SAMTOR: variants seen among roughly 807,000 people sequenced by gnomAD.
The protein encoded by SAMTOR is UPF0532 protein C7orf60.
chr7:112,938,619 C>A, the SAMTOR span, among the ~76,000 whole-genome samples: 1 of 152,148 alleles, frequency 6.6e-6, no homozygotes, highest in Non-Finnish European at 1.5e-5. Context: ...AAATGAGAAC[C>A]AGTGGAAAGC....
At chr7:112,821,854 A>T in the SAMTOR span, 2 of 1,613,686 alleles carry the variant, frequency 1.2e-6, no homozygotes, top group Non-Finnish European at 1.7e-6. Flanking sequence ...GTGAAACCAT[A>T]TGCTAGTTGT....
chr7:112,925,481 C>T, the SAMTOR span, among the ~76,000 whole-genome samples: 43 of 152,276 alleles, frequency 2.8e-4, 2 homozygotes, highest in South Asian at 7.2e-3. Context: ...TTCCTTTCTG[C>T]AAGACTTAGC....
At chr7:112,938,473 G>C in the SAMTOR span, among the ~76,000 whole-genome samples, 1 of 152,192 alleles carries the variant, frequency 6.6e-6, no homozygotes, top group East Asian at 1.9e-4. Flanking sequence ...TGAAACGTGT[G>C]TATAAATCAA....
At chr7:112,860,654 G>A in the SAMTOR span, among the ~76,000 whole-genome samples, 11 of 152,202 alleles carry the variant, frequency 7.2e-5, no homozygotes, top group African/African-American at 2.6e-4. Flanking sequence ...TGTAATCCCA[G>A]CACTTTGGGA....
At chr7:112,922,618 G>A in the SAMTOR span, among the ~76,000 whole-genome samples, 1 of 151,380 alleles carries the variant, frequency 6.6e-6, no homozygotes, top group Non-Finnish European at 1.5e-5. Flanking sequence ...GCCCCGTCTG[G>A]GATGTGAGGA....
chr7:112,865,406 T>C, the SAMTOR span, among the ~76,000 whole-genome samples: 13 of 152,006 alleles, frequency 8.6e-5, no homozygotes, highest in Non-Finnish European at 1.3e-4. Context: ...GCCTCCCAAG[T>C]AGCTGGGATT....
chr7:112,867,209 A>G, the SAMTOR span, among the ~76,000 whole-genome samples: 4 of 152,250 alleles, frequency 2.6e-5, no homozygotes, highest in Non-Finnish European at 4.4e-5. Flanking sequence ...TCTTAATACA[A>G]TTGAGACAAA....
the SAMTOR span, among the ~76,000 whole-genome samples, chr7:112,874,586 C>G: frequency 9.5e-4 from 144 of 152,228 alleles, no homozygotes; most frequent in South Asian, 1.9e-3. Flanking sequence ...GCCCAAACCT[C>G]AGTATCACGC....
the SAMTOR span, among the ~76,000 whole-genome samples, chr7:112,897,954 C>G: frequency 6.6e-6 from 1 of 152,298 alleles, no homozygotes; most frequent in Admixed American, 6.5e-5. Context: ...CCATCCTCTC[C>G]CAAGCCCCGG....
At chr7:112,864,098 G>A in the SAMTOR span, among the ~76,000 whole-genome samples, 1 of 152,014 alleles carries the variant, frequency 6.6e-6, no homozygotes, top group Non-Finnish European at 1.5e-5. Context: ...TCCTTTGCAG[G>A]GACAATGGCC....
the SAMTOR span, among the ~76,000 whole-genome samples, chr7:112,882,771 A>G: frequency 1.3e-5 from 2 of 151,038 alleles, no homozygotes; most frequent in Non-Finnish European, 3.0e-5. Context: ...TTTTTTAAAA[A>G]AAAAAAAAAA....
chr7:112,911,082 A>G, the SAMTOR span, among the ~76,000 whole-genome samples: 1 of 152,088 alleles, frequency 6.6e-6, no homozygotes, highest in Non-Finnish European at 1.5e-5. Context: ...CTGCTGGATT[A>G]AAGGGAAATG....
chr7:112,826,945 GT>G, the SAMTOR span, among the ~76,000 whole-genome samples: 1 of 152,102 alleles, frequency 6.6e-6, no homozygotes, highest in Non-Finnish European at 1.5e-5. Flanking sequence ...CAGTTTATCA[GT>G]TTTTGGTTTA....
At chr7:112,907,551 C>A in the SAMTOR span, among the ~76,000 whole-genome samples, 23 of 149,750 alleles carry the variant, frequency 1.5e-4, no homozygotes, top group African/African-American at 4.9e-4. Flanking sequence ...TAGTCAAAGA[C>A]AAAGGGCACA....
the SAMTOR span, among the ~76,000 whole-genome samples, chr7:112,902,869 T>C: frequency 2.6e-5 from 4 of 152,346 alleles, no homozygotes; most frequent in South Asian, 8.3e-4. Context: ...GGGATAAATA[T>C]ATCATGTATC....
chr7:112,826,873 T>C, the SAMTOR span, among the ~76,000 whole-genome samples: 1 of 152,234 alleles, frequency 6.6e-6, no homozygotes, highest in African/African-American at 2.4e-5. Context: ...ATACCTGTTC[T>C]AGGAATTATT....
At chr7:112,847,166 T>C in the SAMTOR span, among the ~76,000 whole-genome samples, 1 of 152,200 alleles carries the variant, frequency 6.6e-6, no homozygotes, top group African/African-American at 2.4e-5. Context: ...ATAATTTTAC[T>C]TAGGGGAAAA....
chr7:112,878,685 G>A, the SAMTOR span, among the ~76,000 whole-genome samples: 8 of 152,166 alleles, frequency 5.3e-5, no homozygotes, highest in Non-Finnish European at 1.2e-4. Flanking sequence ...GGAGCAAAAT[G>A]AAGTTCAATA....
At chr7:112,856,615 T>C in the SAMTOR span, among the ~76,000 whole-genome samples, 1 of 152,216 alleles carries the variant, frequency 6.6e-6, no homozygotes, top group Non-Finnish European at 1.5e-5. Flanking sequence ...TTTGAAGTAT[T>C]TGAAAAAGTT....
Sources: allele counts gnomAD v4.1 joint callset (sites outside exome capture counted in the v4.1 genomes callset), GRCh38; gene constraint gnomAD v4.1.1; transcripts MANE v1.5; gene names NCBI Gene and HGNC (gene_info 2026-07-23, HGNC 2026-07-21).